DTL: variants seen among roughly 807,000 people sequenced by gnomAD.
DTL encodes the protein denticleless protein homolog.
A neutral mutation model predicts 87.0 loss-of-function variants in DTL; 46 were observed. That is an observed-to-expected ratio of 0.53 (90% CI 0.42 to 0.68). The LOEUF (loss-of-function observed/expected upper bound fraction) is 0.68, where lower values mean the gene tolerates loss of function less well. Ranked by LOEUF, DTL falls within the 30% of genes least tolerant of loss-of-function variation. The probability of loss-of-function intolerance (pLI) is 0.00; values close to 1 mark genes in which losing one functional copy is unlikely to be tolerated. For missense variants in DTL, 737 were observed against 869.4 expected (o/e 0.85, Z 1.91); for synonymous variants, 308 against 311.2 (o/e 0.99, Z 0.11).
chr1:212,094,927 T>C (rs533696591), intron 13 of DTL, among the ~76,000 whole-genome samples: 4 of 152,212 alleles, frequency 2.6e-5, no homozygotes, highest in African/African-American at 9.6e-5. Context: ...TACTGATTTA[T>C]GTACATTGAT....
chr1:212,097,829 G>A (rs1655495115), intron 13 of DTL, among the ~76,000 whole-genome samples: 1 of 152,224 alleles, frequency 6.6e-6, no homozygotes, highest in South Asian at 2.1e-4. Context: ...TGTTTTTCTG[G>A]TTCCTTCTCG....
chr1:212,049,338 A>G lies in DTL; in HGVS notation c.460+1921A>G, dbSNP rs140880384. Reference sequence around the variant, plus strand: ...TATTTCTGCATAACTTTATTAACATATTTAAGTAGTTAGGTATGCTTGTGT... The same window carrying G: ...TATTTCTGCATAACTTTATTAACATGTTTAAGTAGTTAGGTATGCTTGTGT... On this transcript the variant is annotated intron_variant, in intron 5 of 14. Coordinates refer to ENST00000366991, the MANE Select transcript of DTL (RefSeq NM_016448.4). Among the ~76,000 whole-genome samples the G allele has an allele frequency of 6.8e-3, 1,040 of 152,310 alleles. 16 individuals are homozygous for G. Among genetic ancestry groups the G allele is most frequent in the African/African-American group, 0.023 (971 of 41,558 alleles).
At chr1:212,100,186 G>A in intron 13 of DTL, 66 bp from the exon 14 acceptor site, 6 of 1,276,556 alleles carry the variant, frequency 4.7e-6, no homozygotes, top group Non-Finnish European at 6.5e-6. Flanking sequence ...GATTTTTCTT[G>A]ATGAGAATTT....
At position 212,068,680 on chromosome 1, in the gene DTL, T is replaced by A. The variant is rs755257350; in HGVS notation, c.899T>A (p.Met300Lys). 1.2e-6 allele frequency: 2 copies of A among 1,610,650 alleles called. No individual in the cohort carries two copies. The highest frequency in any genetic ancestry group is 1.7e-6 in the Non-Finnish European group (2 of 1,177,234). Residue 300 changes from methionine (M) to lysine (K), a missense_variant, in exon 10 of 15, where the codon ATG becomes AAG. Coordinates refer to ENST00000366991, the MANE Select transcript of DTL (RefSeq NM_016448.4). ...CTDDNIYMFN[M>K]TGLKTSPVAI... ...GACGATAACATCTACATGTTTAATA[T>A]GACTGGGTTGAAGACTTCTCCAGGT... is the stretch of plus-strand genomic sequence containing the variant.
At chr1:212,072,760 C>CT (rs368207666) in intron 11 of DTL, among the ~76,000 whole-genome samples, 57,277 of 124,700 alleles carry the variant, frequency 0.46, 12,887 homozygotes, top group East Asian at 0.62. Flanking sequence ...ATTTACTAAT[C>CT]TTTTTTTTTT....
chr1:212,042,107 C>T (rs1667669794), intron 1 of DTL, among the ~76,000 whole-genome samples: 1 of 152,132 alleles, frequency 6.6e-6, no homozygotes, highest in African/African-American at 2.4e-5. Context: ...TCAGTGTTTC[C>T]TCCAATGCTT....
At chr1:212,066,064 TCTAATAA>T (rs1214689417) in intron 7 of DTL, among the ~76,000 whole-genome samples, 4 of 152,200 alleles carry the variant, frequency 2.6e-5, no homozygotes, top group African/African-American at 9.7e-5. Context: ...ATAGTACCAC[TCTAATAA>T]CTTACAGTCA....
chr1:212,084,945 T>C (rs1252432927), intron 13 of DTL, among the ~76,000 whole-genome samples: 1 of 152,198 alleles, frequency 6.6e-6, no homozygotes, highest in Non-Finnish European at 1.5e-5. Flanking sequence ...GATGTAGTAT[T>C]TGCCTATAAC....
chr1:212,100,608 C>T lies in DTL; in HGVS notation c.1618C>T (p.Gln540Ter). The change falls in exon 14 of 15, where the codon CAA becomes TAA. Residue 540 changes from glutamine to a stop codon, truncating the protein, a stop_gained. Coordinates refer to ENST00000366991, the MANE Select transcript of DTL (RefSeq NM_016448.4). LOFTEE classifies it high-confidence loss of function. ...ALIPVSQKSS[Q>*]AEACSESRNR... ...TATTCCTGTGAGCCAGAAGTCATCC[C>T]AAGCAGAGGCTTGCTCTGAGTCTAG... The T allele has an allele frequency of 6.2e-7, 1 of 1,613,988 alleles. No homozygotes were observed. Among genetic ancestry groups the T allele is most frequent in the Non-Finnish European group, 8.5e-7 (1 of 1,180,002 alleles).
chr1:212,090,011 G>A (rs890282726), intron 13 of DTL, among the ~76,000 whole-genome samples: 1 of 152,254 alleles, frequency 6.6e-6, no homozygotes, highest in Non-Finnish European at 1.5e-5. Context: ...ACCGAGGAGT[G>A]CAGCAAATGA....
intron 13 of DTL, 114 bp downstream of exon 13, chr1:212,080,864 T>A: frequency 9.0e-7 from 1 of 1,114,002 alleles, no homozygotes; most frequent in Non-Finnish European, 1.3e-6. Context: ...AGAAAAGCAC[T>A]ATCTTCTTGC....
At chr1:212,082,377 G>T in intron 13 of DTL, among the ~76,000 whole-genome samples, 1 of 152,086 alleles carries the variant, frequency 6.6e-6, no homozygotes, top group Non-Finnish European at 1.5e-5. Flanking sequence ...GAAGTGAAGT[G>T]GTAGCTGGAG....
chr1:212,095,070 G>A (rs1655405414), intron 13 of DTL, among the ~76,000 whole-genome samples: 1 of 152,056 alleles, frequency 6.6e-6, no homozygotes, highest in African/African-American at 2.4e-5. Flanking sequence ...TACCAATTTG[G>A]ATGCCTTTTA....
chr1:212,064,767 TCAC>T, intron 6 of DTL, 147 bp from the exon 7 acceptor site: 1 of 629,434 alleles, frequency 1.6e-6, no homozygotes, highest in South Asian at 2.0e-5. Flanking sequence ...CATTATAGTC[TCAC>T]CACAGGAGAT....
At chr1:212,037,195 G>A (rs1445342233) in intron 1 of DTL, among the ~76,000 whole-genome samples, 1 of 152,114 alleles carries the variant, frequency 6.6e-6, no homozygotes, top group African/African-American at 2.4e-5. Flanking sequence ...GAGCTGTTCA[G>A]CCTCTATTTT....
Position 212,100,571 on chromosome 1 carries a change from G to A in DTL, c.1581G>A (p.Pro527=), listed in dbSNP as rs773896578. 1.1e-5 allele frequency: 17 copies of A among 1,613,890 alleles called. No homozygotes were observed. Among genetic ancestry groups the A allele is most frequent in the African/African-American group, 5.3e-5 (4 of 74,874 alleles). ...CTTCGGAGACCAAGATCATGTCTCC[G>A]AGAAAAGCCCTTATTCCTGTGAGCC... The part of the protein sequence containing the change: ...PPASETKIMS[P]RKALIPVSQK... The change falls in exon 14 of 15, where the codon CCG becomes CCA. Residue 527 remains proline (P), a synonymous_variant. Coordinates refer to ENST00000366991, the MANE Select transcript of DTL (RefSeq NM_016448.4).
At position 212,100,898 on chromosome 1, in the gene DTL, A is replaced by G. The variant is rs771362437; in HGVS notation, c.1908A>G (p.Leu636=). 3.1e-6 allele frequency: 5 copies of G among 1,614,164 alleles called. No individual in the cohort carries two copies. Among genetic ancestry groups the G allele is most frequent in the Admixed American group, 3.3e-5 (2 of 60,018 alleles). ...ATGCTTCAGAAAGCTGTGGAACGCT[A>G]CCTCTTCCTTTGAGACCTTGTGGAG... ...SPYASESCGT[L]PLPLRPCGEG... The change falls in exon 14 of 15, where the codon CTA becomes CTG. Residue 636 remains leucine, a synonymous_variant. Coordinates refer to ENST00000366991, the MANE Select transcript of DTL (RefSeq NM_016448.4).
At chr1:212,043,781 G>C (rs774815184) in intron 2 of DTL, among the ~76,000 whole-genome samples, 1 of 144,568 alleles carries the variant, frequency 6.9e-6, no homozygotes, top group Non-Finnish European at 1.5e-5. Context: ...AGTGAGCCAA[G>C]ATCGTGCCAT....
intron 1 of DTL, among the ~76,000 whole-genome samples, chr1:212,036,626 A>G (rs371798736): frequency 2.0e-5 from 3 of 152,232 alleles, no homozygotes; most frequent in Non-Finnish European, 4.4e-5. Context: ...TTTCACTTTA[A>G]TGGTATAAGT....
Sources: allele counts gnomAD v4.1 joint callset (sites outside exome capture counted in the v4.1 genomes callset), GRCh38; gene constraint gnomAD v4.1.1; transcripts MANE v1.5; gene names NCBI Gene and HGNC (gene_info 2026-07-23, HGNC 2026-07-21).